Variants in SUMF1 observed in about 807,000 individuals in gnomAD.
The protein encoded by SUMF1 is formylglycine-generating enzyme.
SUMF1 carries 48 observed loss-of-function variants against 47.6 expected under a neutral mutation model. The ratio of observed to expected loss-of-function variants is 1.01; its 90% CI spans 0.80 to 1.28. SUMF1 has a LOEUF of 1.28. Among genes scored for constraint, SUMF1 ranks in the 50% most tolerant of loss-of-function variants. SUMF1 has a pLI of 0.00. For synonymous variants in SUMF1, 230 were observed against 192.1 expected, an observed-to-expected ratio of 1.20 and a Z score of -1.63; for missense variants, 571 against 485.4, an observed-to-expected ratio of 1.18 and a Z score of -1.66.
At chr3:4,266,936 G>T (rs1202627247) in intron 8 of SUMF1, among the ~76,000 whole-genome samples, 1 of 142,106 alleles carries the variant, frequency 7.0e-6, no homozygotes. Context: ...TAGCATGAAG[G>T]GTTGTTGAAT....
In SUMF1 at chr3:4,300,420, G is replaced by GAAAGTTTTTATATCAGATGTGTACTCAAA. The variant is rs544291560; in HGVS notation, c.1014+75881_1014+75909dup. The stretch of plus-strand genomic sequence containing the variant: ...CAAGTATTTCTTTACAGCAACACAA[G>GAAAGTTTTTATATCAGATGTGTACTCAAA]AAAGTTTTTATATCAGATGTGTACT... On this transcript the variant is annotated intron_variant and NMD_transcript_variant, in intron 8 of 12. Coordinates refer to the SUMF1 transcript ENST00000448413. Among the ~76,000 whole-genome samples, 1,009 of 151,852 alleles carry GAAAGTTTTTATATCAGATGTGTACTCAAA rather than the reference G, an allele frequency of 6.6e-3. 20 individuals carry two copies. The highest frequency in any genetic ancestry group is 0.023 in the African/African-American group (965 of 41,160).
chr3:4,308,938 C>T (rs1390634363), intron 8 of SUMF1, among the ~76,000 whole-genome samples: 2 of 152,126 alleles, frequency 1.3e-5, no homozygotes, highest in African/African-American at 2.4e-5. Flanking sequence ...AACATGTATC[C>T]GAAGTGGTTG....
At chr3:4,120,774 C>T (rs58588879) in intron 8 of SUMF1, among the ~76,000 whole-genome samples, 6,264 of 152,182 alleles carry the variant, frequency 0.041, 440 homozygotes, top group African/African-American at 0.14. Context: ...TTCAACAAGA[C>T]CCCCAACTTG....
intron 8 of SUMF1, among the ~76,000 whole-genome samples, chr3:4,124,961 T>G (rs1693624272): frequency 6.6e-6 from 1 of 152,136 alleles, no homozygotes; most frequent in African/African-American, 2.4e-5. Flanking sequence ...TCAGCCCCTA[T>G]TCATCTGATA....
intron 8 of SUMF1, among the ~76,000 whole-genome samples, chr3:4,254,747 T>C (rs1696903746): frequency 2.0e-5 from 3 of 148,452 alleles, no homozygotes; most frequent in Non-Finnish European, 1.5e-5. Flanking sequence ...ACGTTCAGAT[T>C]CAGGAAATAC....
At chr3:4,273,786 C>CA (rs1697356257) in intron 8 of SUMF1, among the ~76,000 whole-genome samples, 1 of 12,782 alleles carries the variant, frequency 7.8e-5, no homozygotes, top group African/African-American at 3.3e-4. Flanking sequence ...GGGGAGGATA[C>CA]GGGAGGGGAG....
chr3:4,293,702 T>A (rs931076831), intron 8 of SUMF1, among the ~76,000 whole-genome samples: 7 of 152,224 alleles, frequency 4.6e-5, no homozygotes, highest in Non-Finnish European at 8.8e-5. Context: ...ACTAGCATAT[T>A]CAGCAGTGAG....
chr3:4,220,559 T>C (rs1280589500), intron 8 of SUMF1, among the ~76,000 whole-genome samples: 1 of 152,044 alleles, frequency 6.6e-6, no homozygotes, highest in Non-Finnish European at 1.5e-5. Context: ...TCCATCTCTC[T>C]CTCCCTCCCT....
chr3:4,262,565 C>A (rs1438302726), intron 8 of SUMF1, among the ~76,000 whole-genome samples: 1 of 152,172 alleles, frequency 6.6e-6, no homozygotes, highest in South Asian at 2.1e-4. Flanking sequence ...GCTCCGCTTT[C>A]CCCCATGTGG....
intron 9 of SUMF1, among the ~76,000 whole-genome samples, chr3:4,044,315 ATC>A (rs1694967745): frequency 6.6e-6 from 1 of 152,128 alleles, no homozygotes; most frequent in Non-Finnish European, 1.5e-5. Flanking sequence ...AGAAGCCAGC[ATC>A]TCTCTCCTCA....
chr3:4,105,658 G>A (rs1217587017), intron 8 of SUMF1, among the ~76,000 whole-genome samples: 1 of 152,036 alleles, frequency 6.6e-6, no homozygotes, highest in Non-Finnish European at 1.5e-5. Context: ...GTGAATATCT[G>A]TCTCTTCATT....
chr3:4,324,648 A>T (rs1365341837), intron 8 of SUMF1, among the ~76,000 whole-genome samples: 2 of 152,180 alleles, frequency 1.3e-5, no homozygotes, highest in African/African-American at 4.8e-5. Flanking sequence ...GTAAATCTAC[A>T]TTTTTACATC....
At chr3:4,394,608 G>A (rs1379018377) in intron 7 of SUMF1, among the ~76,000 whole-genome samples, 1 of 152,210 alleles carries the variant, frequency 6.6e-6, no homozygotes, top group East Asian at 1.9e-4. Context: ...TCATTTCCCA[G>A]AATTCTCTTC....
intron 8 of SUMF1, among the ~76,000 whole-genome samples, chr3:4,258,543 C>G (rs1218040026): frequency 6.6e-6 from 1 of 151,690 alleles, no homozygotes; most frequent in Non-Finnish European, 1.5e-5. Context: ...CAGAGAAATG[C>G]AAATCAAAAC....
chr3:4,440,346 G>A (rs1702544719), intron 3 of SUMF1, among the ~76,000 whole-genome samples: 3 of 151,484 alleles, frequency 2.0e-5, no homozygotes, highest in South Asian at 4.2e-4. Flanking sequence ...TTGCCCTTCT[G>A]AATACTTTCT....
At chr3:4,321,281 C>A (rs1227419429) in intron 8 of SUMF1, among the ~76,000 whole-genome samples, 1 of 151,770 alleles carries the variant, frequency 6.6e-6, no homozygotes, top group Non-Finnish European at 1.5e-5. Context: ...TTTGTCAGCT[C>A]AGACAGCCTA....
At position 4,071,595 on chromosome 3, in the gene SUMF1, C is replaced by G. The variant is rs543004533; in HGVS notation, c.1015-2850G>C. Among the ~76,000 whole-genome samples, 94 of 152,300 alleles carry G rather than the reference C, an allele frequency of 6.2e-4. 1 individual carries two copies. The highest frequency in any genetic ancestry group is 2.1e-3 in the African/African-American group (89 of 41,562). On this transcript the variant is annotated intron_variant and NMD_transcript_variant, in intron 8 of 12. Coordinates refer to the SUMF1 transcript ENST00000448413. ...TGCTAGCGCAGGAGTCTGAGACGACCTGGGATGCTGGAGCTTAGTGGGGGG... is the reference window on the plus strand; with the variant it reads ...TGCTAGCGCAGGAGTCTGAGACGACGTGGGATGCTGGAGCTTAGTGGGGGG...
chr3:4,327,138 CA>C (rs576437126), intron 8 of SUMF1, among the ~76,000 whole-genome samples: 1 of 151,716 alleles, frequency 6.6e-6, no homozygotes, highest in East Asian at 1.9e-4. Context: ...TTTTCTTGAC[CA>C]AAAAAACACA....
intron 1 of SUMF1, 116 bp downstream of exon 1, chr3:4,466,860 T>G: frequency 2.8e-6 from 4 of 1,442,780 alleles, no homozygotes; most frequent in Non-Finnish European, 1.9e-6. Context: ...AGGTGCTCGA[T>G]TTGGGGTGTG....
Sources: gnomAD v4.1 joint callset for allele counts (sites outside exome capture counted in the v4.1 genomes callset) on GRCh38, gnomAD v4.1.1 for gene constraint, MANE v1.5 for transcripts, NCBI Gene and HGNC (gene_info 2026-07-23, HGNC 2026-07-21) for gene names.